The following ZNF704 variants were observed in gnomAD, a reference collection of about 807,000 sequenced individuals.
The protein encoded by ZNF704 is zinc finger protein 704.
ZNF704 carries 10 observed loss-of-function variants against 44.7 expected under a neutral mutation model. The observed-to-expected ratio is 0.22, with a 90% CI of 0.14 to 0.38. The LOEUF (loss-of-function observed/expected upper bound fraction) is 0.38. ZNF704 is among the 10% of genes least tolerant of loss of function. ZNF704 has a pLI of 1.00. For synonymous variants in ZNF704, 211 were observed against 207.6 expected (o/e 1.02, Z -0.14); for missense variants, 390 against 545.5 (o/e 0.71, Z 2.84).
intron 7 of ZNF704, among the ~76,000 whole-genome samples, chr8:80,652,395 G>T (rs1817937887): frequency 6.6e-6 from 1 of 151,706 alleles, no homozygotes. Context: ...TTTTTTAAAA[G>T]ATCAACAAAA....
intron 7 of ZNF704, among the ~76,000 whole-genome samples, chr8:80,648,071 C>T (rs180999150): frequency 1.3e-5 from 2 of 152,324 alleles, no homozygotes; most frequent in Admixed American, 1.3e-4. Context: ...TAAGAGAAGG[C>T]TGAGCTTGTT....
chr8:80,685,868 A>C (rs6987849), intron 4 of ZNF704, among the ~76,000 whole-genome samples: 15,751 of 152,174 alleles, frequency 0.1, 2,759 homozygotes, highest in African/African-American at 0.36. Context: ...TCCTCTTTGA[A>C]ATGAATTGGG....
chr8:80,656,150 G>A (rs1818012973), intron 7 of ZNF704, among the ~76,000 whole-genome samples: 2 of 152,182 alleles, frequency 1.3e-5, no homozygotes, highest in Non-Finnish European at 2.9e-5. Flanking sequence ...TGGCTTGCCA[G>A]TGCCCTGGCA....
chr8:80,765,665 T>C (rs907826162), intron 2 of ZNF704, among the ~76,000 whole-genome samples: 1 of 152,202 alleles, frequency 6.6e-6, no homozygotes, highest in Non-Finnish European at 1.5e-5. Flanking sequence ...TTGTGATTTT[T>C]GGGATTTTTA....
At chr8:80,744,674 T>C (rs754258579) in intron 2 of ZNF704, among the ~76,000 whole-genome samples, 1 of 152,252 alleles carries the variant, frequency 6.6e-6, no homozygotes, top group African/African-American at 2.4e-5. Flanking sequence ...CTTTTATTTA[T>C]GCACAGAGCC....
chr8:80,832,919 T>C (rs1250994681), intron 1 of ZNF704, among the ~76,000 whole-genome samples: 1 of 152,196 alleles, frequency 6.6e-6, no homozygotes. Context: ...CATTACTATT[T>C]GGTGACTGAT....
intron 2 of ZNF704, among the ~76,000 whole-genome samples, chr8:80,742,667 C>T (rs1370473401): frequency 1.3e-5 from 2 of 152,172 alleles, no homozygotes; most frequent in East Asian, 3.9e-4. Context: ...GCCCCAGATG[C>T]AGTCCATGAC....
chr8:80,831,614 G>A (rs1028811710), intron 1 of ZNF704, among the ~76,000 whole-genome samples: 3 of 152,178 alleles, frequency 2.0e-5, no homozygotes, highest in African/African-American at 7.2e-5. Flanking sequence ...CTGGTTAGAA[G>A]GACAGAAATC....
chr8:80,648,938 G>A (rs370529730), intron 7 of ZNF704, among the ~76,000 whole-genome samples: 15 of 152,182 alleles, frequency 9.9e-5, no homozygotes, highest in African/African-American at 2.6e-4. Flanking sequence ...CTGCCATATC[G>A]TTGATGTAAA....
At chr8:80,679,412 C>A (rs1818417796) in intron 4 of ZNF704, among the ~76,000 whole-genome samples, 1 of 149,026 alleles carries the variant, frequency 6.7e-6, no homozygotes, top group Non-Finnish European at 1.5e-5. Flanking sequence ...AAACAACGCC[C>A]AGATTGCTGC....
chr8:80,786,085 C>T (rs1246006294), intron 2 of ZNF704, among the ~76,000 whole-genome samples: 2 of 151,692 alleles, frequency 1.3e-5, no homozygotes, highest in African/African-American at 2.4e-5. Context: ...CACGGGGAAA[C>T]TCTGTCTCTA....
chr8:80,683,466 C>T (rs1818486193), intron 4 of ZNF704, among the ~76,000 whole-genome samples: 1 of 152,208 alleles, frequency 6.6e-6, no homozygotes, highest in Non-Finnish European at 1.5e-5. Flanking sequence ...TGCCACATAG[C>T]TGTAGCTATG....
At chr8:80,655,370 C>T (rs1003558755) in intron 7 of ZNF704, among the ~76,000 whole-genome samples, 1 of 150,966 alleles carries the variant, frequency 6.6e-6, no homozygotes, top group Admixed American at 6.6e-5. Flanking sequence ...TGGAAAGTTC[C>T]CAGTATAAAA....
intron 2 of ZNF704, among the ~76,000 whole-genome samples, chr8:80,767,246 C>G (rs2131726380): frequency 6.6e-6 from 1 of 151,940 alleles, no homozygotes; most frequent in Middle Eastern, 3.4e-3. Flanking sequence ...TTGTAATTAA[C>G]TTGGTTAATT....
chr8:80,758,107 A>T (rs527894752), intron 2 of ZNF704, among the ~76,000 whole-genome samples: 1 of 152,348 alleles, frequency 6.6e-6, no homozygotes, highest in East Asian at 1.9e-4. Context: ...ATTTGTATCA[A>T]TATCACATTG....
intron 2 of ZNF704, among the ~76,000 whole-genome samples, chr8:80,799,249 A>G (rs1488155993): frequency 6.6e-6 from 1 of 152,250 alleles, no homozygotes; most frequent in African/African-American, 2.4e-5. Context: ...TAATACATAT[A>G]AAAAGTTACA....
intron 4 of ZNF704, among the ~76,000 whole-genome samples, chr8:80,677,204 CTTTT>C (rs1227205426): frequency 2.0e-5 from 3 of 152,066 alleles, no homozygotes; most frequent in African/African-American, 7.2e-5. Flanking sequence ...CATCATGGGA[CTTTT>C]TTAAGGCCTC....
intron 2 of ZNF704, among the ~76,000 whole-genome samples, chr8:80,736,702 T>C (rs903325738): frequency 1.3e-5 from 2 of 151,988 alleles, no homozygotes; most frequent in Non-Finnish European, 2.9e-5. Flanking sequence ...GGGGAAATAG[T>C]GGGAGGAGGG....
chr8:80,866,343 A>G (rs1809154593), intron 1 of ZNF704, among the ~76,000 whole-genome samples: 1 of 152,190 alleles, frequency 6.6e-6, no homozygotes, highest in Non-Finnish European at 1.5e-5. Context: ...AAGAAGGCCT[A>G]TTTACTGTTG....
Sources: allele counts gnomAD v4.1 joint callset (sites outside exome capture counted in the v4.1 genomes callset), GRCh38; gene constraint gnomAD v4.1.1; transcripts MANE v1.5; gene names NCBI Gene and HGNC (gene_info 2026-07-23, HGNC 2026-07-21).